The following GML variants were observed in gnomAD, a reference collection of about 807,000 sequenced individuals.
GML encodes the protein glycosylphosphatidylinositol anchored molecule like.
In GML, 5 loss-of-function variants were observed where a neutral mutation model predicts 8.2. The observed-to-expected ratio is 0.61, with a 90% confidence interval of 0.32 to 1.28. The LOEUF (loss-of-function observed/expected upper bound fraction) is 1.28. Ranked by LOEUF, GML falls within the 50% of genes most tolerant of loss-of-function variation. GML has a pLI of 0.06. For synonymous variants in GML, 72 were observed against 69.0 expected (o/e 1.04, Z -0.22); for missense variants, 191 against 198.3 (o/e 0.96, Z 0.22).
chr8:142,834,891 G>T (rs1356689145), intron 1 of GML, 23 bp downstream of exon 1: 1 of 152,358 alleles, frequency 6.6e-6, no homozygotes, highest in Non-Finnish European at 1.5e-5. Context: ...AGGCGGGTCG[G>T]GACCCAGGCG....
intron 3 of GML, among the ~76,000 whole-genome samples, chr8:142,845,551 A>T (rs1033370054): frequency 2.6e-5 from 4 of 152,254 alleles, no homozygotes; most frequent in Non-Finnish European, 5.9e-5. Flanking sequence ...TAAATCAATT[A>T]TGGTAAGTTC....
At chr8:142,846,138 T>C (rs927074547) in intron 3 of GML, among the ~76,000 whole-genome samples, 15 of 152,192 alleles carry the variant, frequency 9.9e-5, no homozygotes, top group African/African-American at 3.4e-4. Context: ...TGATACCATT[T>C]TGGGAGGGCC....
chr8:142,842,395 A>C (rs1274949457), intron 3 of GML, among the ~76,000 whole-genome samples: 1 of 152,160 alleles, frequency 6.6e-6, no homozygotes, highest in Non-Finnish European at 1.5e-5. Context: ...GAGGCTGAGA[A>C]TCTGGGCTTT....
At position 142,841,325 on chromosome 8, in the gene GML, C is replaced by G. The variant is rs554019477; in HGVS notation, c.181+100C>G. On this transcript the variant is annotated intron_variant, in intron 3 of 3. Transcript: ENST00000220940. ...TCTGCTTTCTTCTCTGCACCCAGCT[C>G]TGTTTCCCCTTCCCTCATGTCCTCC... is the stretch of plus-strand genomic sequence containing the variant. The G allele has an allele frequency of 4.6e-5, 33 of 714,534 alleles. No individual in the cohort carries two copies. In the African/African-American group the frequency reaches 5.2e-4, roughly 11 times the overall value. 44.3% of individuals were successfully genotyped at this position (714,534 alleles called of 1,614,324 possible). A position where few individuals can be genotyped will look rare whatever the true frequency, so the allele number is the denominator to read the frequency against.
chr8:142,841,055 C>T (rs561460293), intron 2 of GML, 63 bp from the exon 3 acceptor site: 2 of 829,276 alleles, frequency 2.4e-6, no homozygotes, highest in South Asian at 1.4e-5. Flanking sequence ...GTGGAGTGAG[C>T]TGGTAATGGG....
Position 142,846,493 on chromosome 8 carries a change from T to C in GML, c.280T>C (p.Phe94Leu). 1.9e-6 allele frequency: 3 copies of C among 1,613,962 alleles called. No homozygotes were observed. The highest frequency in any genetic ancestry group is 1.7e-6 in the Non-Finnish European group (2 of 1,179,792). Reference sequence around the variant, plus strand: ...GCCTCCTGAAGCCCCAGGAAAAATCTTCAAAACTAATAGCTTCTACTGGGT... The same window carrying C: ...GCCTCCTGAAGCCCCAGGAAAAATCCTCAAAACTAATAGCTTCTACTGGGT... Reference protein sequence around the residue: ...EQPPEAPGKIFKTNSFYWVCC... With the variant: ...EQPPEAPGKILKTNSFYWVCC... Residue 94 changes from phenylalanine to leucine, a missense_variant, in exon 4 of 4, where the codon TTC becomes CTC. Phe to Leu is a conservative substitution (Grantham distance 22). Coordinates refer to ENST00000220940, the MANE Select transcript of GML (RefSeq NM_002066.3).
chr8:142,841,372 C>T (rs3802226), intron 3 of GML, 147 bp downstream of exon 3: 231,749 of 626,300 alleles, frequency 0.37, 45,567 homozygotes, highest in Admixed American at 0.41. Context: ...CGTTTCTGCA[C>T]GCTTTGGTCT....
intron 3 of GML, among the ~76,000 whole-genome samples, chr8:142,843,174 G>A (rs1367079921): frequency 1.3e-5 from 2 of 151,766 alleles, no homozygotes; most frequent in Non-Finnish European, 2.9e-5. Context: ...CAAGGGGCCT[G>A]GGTATGAGGC....
At chr8:142,835,667 C>T (rs1370852330) in intron 1 of GML, among the ~76,000 whole-genome samples, 1 of 152,154 alleles carries the variant, frequency 6.6e-6, no homozygotes, top group East Asian at 1.9e-4. Flanking sequence ...GAGGTGTGTT[C>T]TTAAGTTCCA....
At chr8:142,838,775 T>A (rs1308466625) in intron 1 of GML, among the ~76,000 whole-genome samples, 1 of 152,156 alleles carries the variant, frequency 6.6e-6, no homozygotes, top group Non-Finnish European at 1.5e-5. Flanking sequence ...TGGCCCTGGC[T>A]CTGTCTCCAG....
chr8:142,835,310 C>G (rs1343295545), intron 1 of GML, among the ~76,000 whole-genome samples: 3 of 150,660 alleles, frequency 2.0e-5, no homozygotes, highest in Admixed American at 2.0e-4. Context: ...GCTCAACTTC[C>G]CTCGAGAGTC....
chr8:142,845,291 A>T (rs1013954564), intron 3 of GML, among the ~76,000 whole-genome samples: 1 of 152,232 alleles, frequency 6.6e-6, no homozygotes, highest in African/African-American at 2.4e-5. Flanking sequence ...CAGTGTCTGC[A>T]TGGAGGAACA....
chr8:142,840,697 G>T (rs1816418251), intron 2 of GML, among the ~76,000 whole-genome samples, 187 bp downstream of exon 2: 1 of 152,164 alleles, frequency 6.6e-6, no homozygotes. Context: ...GGGTTAGGAT[G>T]AAGGAGCAGC....
chr8:142,835,489 A>C (rs1816327533), intron 1 of GML, among the ~76,000 whole-genome samples: 1 of 152,156 alleles, frequency 6.6e-6, no homozygotes, highest in Non-Finnish European at 1.5e-5. Context: ...GGAGAGAAGG[A>C]GGCCTTCGTT....
Position 142,841,137 on chromosome 8 carries a change from C to A in GML, c.93C>A (p.Cys31Ter). 1.9e-6 allele frequency: 3 copies of A among 1,559,278 alleles called. No homozygotes were observed. The highest frequency in any genetic ancestry group is 1.1e-5 in the South Asian group (1 of 89,974). Reference sequence around the variant, plus strand: ...TCTCAGGGACTTACAGTTTGAGATGCCATGACTGTGCGGTCATAAATGACT... The same window carrying A: ...TCTCAGGGACTTACAGTTTGAGATGACATGACTGTGCGGTCATAAATGACT... ...MRAQWTYSLR[C>*]HDCAVINDFN... The change falls in exon 3 of 4, where the codon TGC becomes TGA. Residue 31 changes from cysteine (C) to a stop codon, truncating the protein, a stop_gained. Transcript: ENST00000220940. LOFTEE classifies it high-confidence loss of function.
chr8:142,839,756 C>A (rs919238678), intron 1 of GML, among the ~76,000 whole-genome samples: 1 of 152,150 alleles, frequency 6.6e-6, no homozygotes, highest in African/African-American at 2.4e-5. Flanking sequence ...TGATTGGTGA[C>A]CTGGGGGGCG....
chr8:142,846,278 G>T lies in GML; in HGVS notation c.182-117G>T, dbSNP rs1209996376. 3 of 664,632 alleles carry T rather than the reference G, an allele frequency of 4.5e-6. No homozygotes were observed. In the African/African-American group the frequency reaches 5.4e-5, roughly 12 times the overall value. 41.2% of individuals were successfully genotyped at this position (664,632 alleles called of 1,614,324 possible). The stretch of plus-strand genomic sequence containing the variant: ...TGTTCTAGACAATTTTATCACAGCT[G>T]GGAGTGTAGAATGTGTACATGGAGC... On this transcript the variant is annotated intron_variant, in intron 3 of 3. Coordinates refer to ENST00000220940, the MANE Select transcript of GML (RefSeq NM_002066.3).
chr8:142,845,118 A>G (rs2130228273), intron 3 of GML, among the ~76,000 whole-genome samples: 1 of 152,380 alleles, frequency 6.6e-6, no homozygotes, highest in African/African-American at 2.4e-5. Flanking sequence ...ACAGTGTGCA[A>G]CAATAGGGAT....
intron 1 of GML, among the ~76,000 whole-genome samples, chr8:142,836,876 C>T (rs1318147498): frequency 2.0e-5 from 3 of 152,272 alleles, no homozygotes; most frequent in African/African-American, 7.2e-5. Flanking sequence ...TGTGGCTTGT[C>T]TCGTGTTGAA....
Sources: allele counts gnomAD v4.1 joint callset (sites outside exome capture counted in the v4.1 genomes callset), GRCh38; gene constraint gnomAD v4.1.1; transcripts MANE v1.5; gene names NCBI Gene and HGNC (gene_info 2026-07-23, HGNC 2026-07-21).